SH3D21: variants seen among roughly 807,000 people sequenced by gnomAD.
SH3D21 encodes SH3 domain-containing protein 21.
SH3D21 carries 83 observed loss-of-function variants against 82.1 expected under a neutral mutation model. That is an observed-to-expected ratio of 1.01 (90% CI 0.85 to 1.21). The LOEUF (loss-of-function observed/expected upper bound fraction) is 1.21, where lower values mean the gene tolerates loss of function less well. Among genes scored for constraint, SH3D21 ranks in the 50% most tolerant of loss-of-function variants. The pLI is 0.00. For missense variants in SH3D21, 980 were observed against 962.1 expected, an observed-to-expected ratio of 1.02 and a Z score of -0.25; for synonymous variants, 383 against 387.8, an observed-to-expected ratio of 0.99 and a Z score of 0.15.
Position 36,319,763 on chromosome 1 carries a change from C to T in SH3D21, c.1100C>T (p.Ala367Val), listed in dbSNP as rs1233753424. Residue 367 changes from alanine (A) to valine (V), a missense_variant, in exon 14 of 16, where the codon GCT becomes GTT. By Grantham distance (64) the Ala-to-Val change is moderately conservative. Coordinates refer to ENST00000453908, the MANE Select transcript of SH3D21 (RefSeq NM_001162530.2). ...DKTATPERPP[A>V]PENAPSSKKI... Reference sequence around the variant, plus strand: ...ACTGCCACCCCAGAGAGGCCCCCAGCTCCAGAGAACGCCCCCAGCTCCAAG... The same window carrying T: ...ACTGCCACCCCAGAGAGGCCCCCAGTTCCAGAGAACGCCCCCAGCTCCAAG... The T allele has an allele frequency of 3.7e-6, 6 of 1,610,268 alleles. No homozygotes were observed. In the South Asian group the frequency reaches 5.5e-5, roughly 15 times the overall value.
At chr1:36,325,605 C>T (rs986942770), downstream of SH3D21, among the ~76,000 whole-genome samples, 5 of 152,136 alleles carry the variant, frequency 3.3e-5, no homozygotes, top group East Asian at 5.8e-4. Flanking sequence ...AGTGCAGTGG[C>T]GCGATCTCGG....
chr1:36,329,399 A>G (rs150502733), downstream of SH3D21, among the ~76,000 whole-genome samples: 1,892 of 140,248 alleles, frequency 0.013, 44 homozygotes, highest in African/African-American at 0.047. Context: ...AATGTATAGT[A>G]GAATGCATAC....
At position 36,320,298 on chromosome 1, in the gene SH3D21, G is replaced by A. The variant is rs1236461486; in HGVS notation, c.1635G>A (p.Arg545=). Residue 545 remains arginine (R), a synonymous_variant, in exon 14 of 16, where the codon AGG becomes AGA. Coordinates refer to ENST00000453908, the MANE Select transcript of SH3D21 (RefSeq NM_001162530.2). ...CACCCCAGCCTCCTTCCTCAGAGAGGTGCCTGGGAGAGATGAAATGTACCC... is the reference window on the plus strand; with the variant it reads ...CACCCCAGCCTCCTTCCTCAGAGAGATGCCTGGGAGAGATGAAATGTACCC... ...APPPQPPSSE[R]CLGEMKCTLV... is the part of the protein sequence containing the mutation. 2.5e-6 allele frequency: 4 copies of A among 1,612,664 alleles called. No individual in the cohort carries two copies. Among genetic ancestry groups the A allele is most frequent in the East Asian group, 4.5e-5 (2 of 44,870 alleles).
Position 36,320,430 on chromosome 1 carries a change from A to G in SH3D21, c.1767A>G (p.Pro589=), listed in dbSNP as rs1330191395. 6.2e-7 allele frequency: 1 copy of G among 1,613,066 alleles called. No individual in the cohort carries two copies. Among genetic ancestry groups the G allele is most frequent in the East Asian group, 2.2e-5 (1 of 44,866 alleles). Residue 589 remains proline, a synonymous_variant, in exon 14 of 16, where the codon CCA becomes CCG. Transcript: ENST00000453908. The part of the protein sequence containing the change: ...PHPHEEATTL[P]EEAPSNDERT... ...CCCACGAAGAGGCTACAACCCTTCC[A>G]GAGGAGGCACCTTCCAATGACGAGA...
downstream of SH3D21, chr1:36,322,357 T>C (rs775569033): frequency 5.1e-5 from 81 of 1,586,510 alleles, no homozygotes; most frequent in South Asian, 3.6e-4. Flanking sequence ...AGCGTGCCTG[T>C]GCCCAGCAGG....
chr1:36,322,188 A>G (rs1027997034), downstream of SH3D21: 9 of 1,361,214 alleles, frequency 6.6e-6, no homozygotes, highest in Admixed American at 3.2e-5. Context: ...CACGCCCAGT[A>G]GCACCTGGGA....
In SH3D21 at chr1:36,319,817, C is replaced by T. The variant is rs1360633338; in HGVS notation, c.1154C>T (p.Ser385Phe). 1.2e-6 allele frequency: 2 copies of T among 1,613,976 alleles called. No homozygotes were observed. Among genetic ancestry groups the T allele is most frequent in the Admixed American group, 1.7e-5 (1 of 60,000 alleles). Residue 385 changes from serine to phenylalanine, a missense_variant, in exon 14 of 16, where the codon TCC becomes TTC. Ser to Phe is a radical substitution (Grantham distance 155, BLOSUM62 -2). Transcript: ENST00000453908. ...ATCCCGGCTCCTGACAAAGTCCCCT[C>T]CCCAGAGAAGACCCTCACTCTAGGG... is the stretch of plus-strand genomic sequence containing the variant. ...KKIPAPDKVP[S>F]PEKTLTLGDK...
At position 36,307,134 on chromosome 1, in the gene SH3D21, G is replaced by T. The variant is rs764642622; in HGVS notation, c.227-33G>T. The T allele has an allele frequency of 1.1e-5, 17 of 1,550,612 alleles. No homozygotes were observed. The South Asian group carries it at 1.6e-4, about 14-fold the overall frequency. ...CCCAGCTCCTCTGACTGGGGCGTCC[G>T]ACTGGAGCTCAGCCGCGCTTGTCCG... On this transcript the variant is annotated intron_variant, in intron 3 of 15. Coordinates refer to ENST00000453908, the MANE Select transcript of SH3D21 (RefSeq NM_001162530.2). This position sits in a 1 kb window ranked among gnomAD's most constrained non-coding sequence, Gnocchi z 5.4.
At chr1:36,322,921 G>T (rs373158333), downstream of SH3D21, 30 of 1,594,076 alleles carry the variant, frequency 1.9e-5, no homozygotes, top group Middle Eastern at 5.1e-4. Context: ...GGAAGGGGAT[G>T]GTGGTCAGGG....
In SH3D21 at chr1:36,307,142, C is replaced by G. The variant is rs1270460466; in HGVS notation, c.227-25C>G. 6.4e-7 allele frequency: 1 copy of G among 1,551,066 alleles called. No individual in the cohort carries two copies. The highest frequency in any genetic ancestry group is 2.0e-5 in the Admixed American group (1 of 50,996). ...CTCTGACTGGGGCGTCCGACTGGAG[C>G]TCAGCCGCGCTTGTCCGGTGCTAGG... On this transcript the variant is annotated intron_variant, in intron 3 of 15. Coordinates refer to ENST00000453908, the MANE Select transcript of SH3D21 (RefSeq NM_001162530.2). The surrounding 1 kb of genome is among the most constrained non-coding windows in gnomAD (Gnocchi z 5.4).
chr1:36,330,108 C>T (rs1039646413), downstream of SH3D21, among the ~76,000 whole-genome samples: 4 of 152,100 alleles, frequency 2.6e-5, no homozygotes, highest in Admixed American at 2.0e-4. Flanking sequence ...ACCTGCACCC[C>T]CAACTCGGTT....
intron 10 of SH3D21, among the ~76,000 whole-genome samples, chr1:36,313,967 A>ATTTTCTTTTTTT (rs1646290619): frequency 8.1e-5 from 3 of 36,936 alleles, no homozygotes; most frequent in Non-Finnish European, 1.3e-4. Flanking sequence ...TGCTGAACAT[A>ATTTTCTTTTTTT]TTTTCTTTTT....
intron 14 of SH3D21, 56 bp from the exon 15 acceptor site, chr1:36,320,859 G>GCC (rs1367892546): frequency 1.3e-6 from 2 of 1,550,468 alleles, no homozygotes; most frequent in Non-Finnish European, 1.7e-6. Context: ...CACCTGCGCA[G>GCC]CCCCTCACCT....
Position 36,306,781 on chromosome 1 carries a change from T to TG in SH3D21, c.162+30dup, listed in dbSNP as rs1029873906. 4.6e-6 allele frequency: 6 copies of TG among 1,290,998 alleles called. No individual in the cohort carries two copies. The highest frequency in any genetic ancestry group is 6.1e-6 in the Non-Finnish European group (6 of 987,518). The allele number at this position is 1,290,998 out of a possible 1,614,324, so 80.0% of individuals were successfully genotyped here. On this transcript the variant is annotated intron_variant, in intron 2 of 15. Coordinates refer to ENST00000453908, the MANE Select transcript of SH3D21 (RefSeq NM_001162530.2). This position sits in a 1 kb window ranked among gnomAD's most constrained non-coding sequence, Gnocchi z 4.5. ...GTGAGGCCGAGCCAGGGGCGGGCTG[T>TG]GGGGTCTCAGCGCGCGCCCCCCGGG...
In SH3D21 at chr1:36,307,425, G is replaced by A; in HGVS notation, c.346-92G>A. ...GGAAGCGCGGGAGGGAAGGAGGGAG[G>A]AAGGGGCGCTTGGGCAGAACCAAGG... On this transcript the variant is annotated intron_variant, in intron 4 of 15. Transcript: ENST00000453908. The surrounding 1 kb of genome is among the most constrained non-coding windows in gnomAD (Gnocchi z 5.4). 6.6e-7 allele frequency: 1 copy of A among 1,508,028 alleles called. No homozygotes were observed. Among genetic ancestry groups the A allele is most frequent in the Non-Finnish European group, 9.0e-7 (1 of 1,113,676 alleles). The allele number at this position is 1,508,028 out of a possible 1,614,324, so 93.4% of individuals were successfully genotyped here. A position where few individuals can be genotyped will look rare whatever the true frequency, so the allele number is the denominator to read the frequency against.
chr1:36,317,925 C>T (rs1295161159), intron 10 of SH3D21, among the ~76,000 whole-genome samples: 4 of 152,150 alleles, frequency 2.6e-5, no homozygotes, highest in African/African-American at 9.7e-5. Context: ...TATTTTACTC[C>T]TTGTATTTAT....
intron 10 of SH3D21, among the ~76,000 whole-genome samples, chr1:36,313,037 G>A (rs1489274757): frequency 6.6e-6 from 1 of 152,070 alleles, no homozygotes; most frequent in Non-Finnish European, 1.5e-5. Context: ...ATATAAGATG[G>A]GAATGGGCCA....
At chr1:36,327,719 G>C, downstream of SH3D21, 1 of 1,212,774 alleles carries the variant, frequency 8.2e-7, no homozygotes, top group Admixed American at 3.0e-5. Context: ...GTCTTCTCCA[G>C]GGGCTTGCCG....
downstream of SH3D21, among the ~76,000 whole-genome samples, chr1:36,325,966 G>A (rs1646539818): frequency 6.6e-6 from 1 of 152,214 alleles, no homozygotes; most frequent in East Asian, 1.9e-4. Flanking sequence ...CTAAGTGCTG[G>A]GGGGCATGAC....
Sources: allele counts gnomAD v4.1 joint callset (sites outside exome capture counted in the v4.1 genomes callset), GRCh38; gene constraint gnomAD v4.1.1; non-coding constraint Gnocchi (gnomAD v3.1); transcripts MANE v1.5; gene names NCBI Gene and HGNC (gene_info 2026-07-23, HGNC 2026-07-21).